Variants in SDK1 observed in about 807,000 individuals in gnomAD.
The protein encoded by SDK1 is protein sidekick-1.
SDK1 carries 157 observed loss-of-function variants against 245.5 expected under a neutral mutation model. The ratio of observed to expected loss-of-function variants is 0.64; its 90% confidence interval spans 0.56 to 0.73. The LOEUF (loss-of-function observed/expected upper bound fraction) is 0.73. Among genes scored for constraint, SDK1 ranks in the 30% least tolerant of loss-of-function variants. SDK1 has a pLI of 0.00. For synonymous variants in SDK1, 1,647 were observed against 1,278.5 expected (o/e 1.29, Z -6.15); for missense variants, 3,583 against 3,002.3 (o/e 1.19, Z -4.52).
intron 1 of SDK1, among the ~76,000 whole-genome samples, chr7:3,471,383 G>A (rs913469262): frequency 6.6e-6 from 1 of 152,076 alleles, no homozygotes; most frequent in Non-Finnish European, 1.5e-5. Flanking sequence ...ATTTTTATTA[G>A]AACTTATTTC....
intron 4 of SDK1, among the ~76,000 whole-genome samples, chr7:3,668,372 A>T (rs553353039): frequency 1.3e-5 from 2 of 152,344 alleles, no homozygotes; most frequent in South Asian, 2.1e-4. Context: ...TAATGACCAG[A>T]GACCCCAGTT....
chr7:3,582,333 GTCTCAGGTAGGTCTC>G (rs1780528663), intron 1 of SDK1, among the ~76,000 whole-genome samples: 1 of 131,046 alleles, frequency 7.6e-6, no homozygotes, highest in African/African-American at 2.7e-5. Flanking sequence ...AGGTAGGTCT[GTCTCAGGTAGGTCTC>G]CCTCAGGTAG....
At chr7:3,367,783 A>T (rs1168556810) in intron 1 of SDK1, among the ~76,000 whole-genome samples, 1 of 152,158 alleles carries the variant, frequency 6.6e-6, no homozygotes, top group Non-Finnish European at 1.5e-5. Context: ...AGAGCCATGT[A>T]CCTCCAGGGA....
At chr7:3,668,302 A>C (rs1032772848) in intron 4 of SDK1, among the ~76,000 whole-genome samples, 1 of 152,178 alleles carries the variant, frequency 6.6e-6, no homozygotes, top group Non-Finnish European at 1.5e-5. Flanking sequence ...TCCTCTTCCA[A>C]CACGACTCAC....
At chr7:4,181,367 C>A (rs191917261) in intron 35 of SDK1, among the ~76,000 whole-genome samples, 1 of 152,364 alleles carries the variant, frequency 6.6e-6, no homozygotes. Flanking sequence ...CGGGGGCCTT[C>A]CCCCTTTTAG....
intron 1 of SDK1, among the ~76,000 whole-genome samples, chr7:3,460,865 G>C (rs1780812372): frequency 6.6e-6 from 1 of 152,026 alleles, no homozygotes; most frequent in African/African-American, 2.4e-5. Flanking sequence ...TTGTCATTTG[G>C]TATTTTAAAA....
chr7:4,041,279 T>G (rs1788615506), intron 17 of SDK1, among the ~76,000 whole-genome samples: 1 of 135,420 alleles, frequency 7.4e-6, no homozygotes, highest in African/African-American at 3.4e-5. Flanking sequence ...CATGCATAGT[T>G]TTGTTTTACT....
At chr7:3,747,698 G>T (rs987706285) in intron 4 of SDK1, among the ~76,000 whole-genome samples, 3 of 148,730 alleles carry the variant, frequency 2.0e-5, no homozygotes, top group Admixed American at 1.3e-4. Context: ...CTTAGCCTGG[G>T]GTGTGTGTGT....
intron 1 of SDK1, among the ~76,000 whole-genome samples, chr7:3,322,858 G>A (rs541567534): frequency 6.6e-6 from 1 of 152,232 alleles, no homozygotes; most frequent in East Asian, 1.9e-4. Flanking sequence ...CGCCCAGGCT[G>A]GGGTGTGGTG....
intron 1 of SDK1, among the ~76,000 whole-genome samples, chr7:3,489,107 C>G (rs1255768037): frequency 6.6e-6 from 1 of 152,116 alleles, no homozygotes; most frequent in African/African-American, 2.4e-5. Flanking sequence ...GGGTAATATT[C>G]TCTCCCTGCA....
intron 4 of SDK1, among the ~76,000 whole-genome samples, chr7:3,660,435 A>G (rs1468216365): frequency 2.6e-5 from 4 of 152,176 alleles, no homozygotes; most frequent in Admixed American, 2.0e-4. Flanking sequence ...TCAACAAAGC[A>G]TAGAAAGAGA....
chr7:3,440,935 C>G (rs977955225), intron 1 of SDK1, among the ~76,000 whole-genome samples: 1 of 152,148 alleles, frequency 6.6e-6, no homozygotes, highest in Non-Finnish European at 1.5e-5. Context: ...TATATGACGA[C>G]TTGAGCAAGG....
chr7:3,762,954 C>G (rs947259322), intron 4 of SDK1, among the ~76,000 whole-genome samples: 3 of 152,248 alleles, frequency 2.0e-5, no homozygotes, highest in South Asian at 2.1e-4. Flanking sequence ...CCTCCTGGTT[C>G]TTTCCCTCTT....
chr7:3,586,654 G>T (rs1780698288), intron 1 of SDK1, among the ~76,000 whole-genome samples: 1 of 149,508 alleles, frequency 6.7e-6, no homozygotes, highest in African/African-American at 2.5e-5. Flanking sequence ...GCAGTGAGCT[G>T]AGATCGTGCC....
intron 4 of SDK1, among the ~76,000 whole-genome samples, chr7:3,741,770 C>G (rs968450568): frequency 1.1e-4 from 16 of 152,154 alleles, no homozygotes; most frequent in African/African-American, 3.9e-4. Flanking sequence ...CTGTGCAAAC[C>G]AAAGAACAAG....
At chr7:3,859,778 C>G (rs1235124265) in intron 5 of SDK1, among the ~76,000 whole-genome samples, 4 of 152,180 alleles carry the variant, frequency 2.6e-5, no homozygotes, top group Admixed American at 6.5e-5. Context: ...CTGTGTCACT[C>G]ACGTCACACT....
At chr7:3,703,270 C>T (rs1348256930) in intron 4 of SDK1, among the ~76,000 whole-genome samples, 2 of 152,050 alleles carry the variant, frequency 1.3e-5, no homozygotes, top group Admixed American at 6.6e-5. Context: ...TGTCATAGAA[C>T]ACTACTCTGC....
intron 5 of SDK1, among the ~76,000 whole-genome samples, chr7:3,943,815 A>G (rs1780468604): frequency 6.6e-6 from 1 of 152,116 alleles, no homozygotes; most frequent in Admixed American, 6.5e-5. Flanking sequence ...ATGAGTAAAG[A>G]GGTTCATGTG....
intron 4 of SDK1, among the ~76,000 whole-genome samples, chr7:3,699,963 T>A (rs778579623): frequency 1.3e-5 from 2 of 150,446 alleles, no homozygotes; most frequent in Non-Finnish European, 3.0e-5. Flanking sequence ...GAGAAAACAG[T>A]ACCTGACATA....
Sources: allele counts gnomAD v4.1 joint callset (sites outside exome capture counted in the v4.1 genomes callset), GRCh38; gene constraint gnomAD v4.1.1; transcripts MANE v1.5; gene names NCBI Gene and HGNC (gene_info 2026-07-23, HGNC 2026-07-21).